The following TLE2 variants were observed in gnomAD, a reference collection of about 807,000 sequenced individuals.
TLE2 encodes the protein transducin-like enhancer protein 2.
Under a neutral mutation model 97.2 loss-of-function variants are expected in TLE2, and 74 were observed. The ratio of observed to expected loss-of-function variants is 0.76; its 90% confidence interval spans 0.63 to 0.92. The LOEUF (loss-of-function observed/expected upper bound fraction) is 0.92, where lower values mean the gene tolerates loss of function less well. TLE2 is among the 40% of genes least tolerant of loss of function. The pLI is 0.00. For synonymous variants in TLE2, 499 were observed against 432.1 expected (o/e 1.15, Z -1.92); for missense variants, 1,038 against 1,008.7 (o/e 1.03, Z -0.39).
intron 3 of TLE2, 121 bp from the exon 4 acceptor site, chr19:3,027,994 C>G: frequency 2.1e-6 from 2 of 966,952 alleles, no homozygotes; most frequent in Non-Finnish European, 3.1e-6. Context: ...GGAAGCAGAG[C>G]CCCCCCCAGC....
intron 1 of TLE2, among the ~76,000 whole-genome samples, chr19:3,043,714 G>C (rs1250417117): frequency 1.3e-5 from 2 of 152,032 alleles, no homozygotes; most frequent in African/African-American, 4.8e-5. Flanking sequence ...GGAGGCTGAG[G>C]CAGGAGAATG....
At chr19:3,028,021 G>A (rs2089974604) in intron 3 of TLE2, 148 bp from the exon 4 acceptor site, 1 of 839,216 alleles carries the variant, frequency 1.2e-6, no homozygotes. Context: ...GGGTCCCAGA[G>A]GAGGAAGCGG....
At chr19:3,043,364 CTTTTTT>C (rs71337196) in intron 1 of TLE2, among the ~76,000 whole-genome samples, 1 of 108,896 alleles carries the variant, frequency 9.2e-6, no homozygotes, top group Non-Finnish European at 1.8e-5. Context: ...CCTTCTGCAG[CTTTTTT>C]TTTTTTTTTT....
In TLE2 at chr19:3,034,609, C is replaced by T. The variant is rs535515147; in HGVS notation, c.64-5806G>A. 2.6e-5 allele frequency among the ~76,000 whole-genome samples: 4 copies of T among 151,608 alleles called. No homozygotes were observed. In the South Asian group the frequency reaches 6.3e-4, roughly 24 times the overall value. On this transcript the variant is annotated intron_variant, in intron 1 of 18. Coordinates refer to the TLE2 transcript ENST00000426948. ...AAAGTCCATTTTTTTCAAGGCCCAA[C>T]CCAAAAACTGTCTCCTGCAAAAGCC...
At chr19:3,015,804 G>A (rs1044364092) in intron 8 of TLE2, 44 bp from the exon 9 acceptor site, 33 of 1,431,924 alleles carry the variant, frequency 2.3e-5, no homozygotes, top group Non-Finnish European at 2.9e-5. Context: ...TCAGGGCCCT[G>A]GGCTCCTAGA....
intron 4 of TLE2, chr19:3,025,448 G>A: frequency 9.5e-7 from 1 of 1,052,150 alleles, no homozygotes; most frequent in Non-Finnish European, 1.1e-6. Flanking sequence ...TGAAACAAAG[G>A]AAAGGGGCCT....
In TLE2 at chr19:3,009,673, G is replaced by C; in HGVS notation, c.1042C>G (p.Pro348Ala). 2 of 1,612,672 alleles carry C rather than the reference G, an allele frequency of 1.2e-6. No individual in the cohort carries two copies. Among genetic ancestry groups the C allele is most frequent in the Non-Finnish European group, 1.7e-6 (2 of 1,179,420 alleles). The change falls in exon 13 of 20, where the codon CCC becomes GCC. Residue 348 changes from proline to alanine, a missense_variant. Coordinates refer to ENST00000262953, the MANE Select transcript of TLE2 (RefSeq NM_003260.5). ...ALRSPLTLSSPFTTSFSLGSH... is the reference protein window; with the variant it reads ...ALRSPLTLSSAFTTSFSLGSH... ...CCCAGGCTGAAGGACGTGGTGAAGG[G>C]ACTGGACAGAGTCAGGGGGCTCCTC...
intron 1 of TLE2, among the ~76,000 whole-genome samples, chr19:3,041,014 T>TATATATATATATATA (rs55998855): frequency 2.5e-4 from 5 of 20,150 alleles, no homozygotes; most frequent in Non-Finnish European, 3.4e-4. Context: ...TATATATATA[T>TATATATATATATATA]TTTTTTTTTT....
rs1218679898 is a variant in TLE2 at position 3,008,337 on chromosome 19, G to A, written c.1250+532C>T. Among the ~76,000 whole-genome samples, 4 of 152,208 alleles carry A rather than the reference G, an allele frequency of 2.6e-5. No individual in the cohort carries two copies. In the East Asian group the frequency reaches 7.7e-4, roughly 29 times the overall value. ...GCCAGGAACGTCTCCTCCCCCAGCT[G>A]TGACAACCACACGTGTCCCCCGACA... On this transcript the variant is annotated intron_variant, in intron 14 of 19. Coordinates refer to ENST00000262953, the MANE Select transcript of TLE2 (RefSeq NM_003260.5).
rs112198595 is a variant in TLE2 at position 3,017,938 on chromosome 19, C to T, written c.551-79G>A. 6.4e-5 allele frequency: 91 copies of T among 1,416,178 alleles called. 2 individuals are homozygous for T. The Middle Eastern group carries it at 1.2e-3, about 19-fold the overall frequency. 87.7% of individuals were successfully genotyped at this position (1,416,178 alleles called of 1,614,324 possible). A position where few individuals can be genotyped will look rare whatever the true frequency, so the allele number is the denominator to read the frequency against. On this transcript the variant is annotated intron_variant, in intron 7 of 19. Transcript: ENST00000262953. ...GTATCCACGGCGCCAGAGGGTACAG[C>T]CCTCCAGTTTATAAAGCCCCCCGCC...
rs1439378166 is a variant in TLE2 at position 3,006,612 on chromosome 19, C to G, written c.1308G>C (p.Ser436=). Residue 436 remains serine, a synonymous_variant, in exon 15 of 20, where the codon TCG becomes TCC. Transcript: ENST00000262953. ...GGATGCCCGCGCCTACCAGTGCATC[C>G]GAGGGGAAGGGAACCGGCTGCATCT... ...DGQMQPVPFP[S]DALVGAGIPR... is the part of the protein sequence containing the mutation. 1.3e-5 allele frequency: 21 copies of G among 1,610,636 alleles called. No homozygotes were observed. Among genetic ancestry groups the G allele is most frequent in the South Asian group, 4.4e-5 (4 of 90,672 alleles).
intron 19 of TLE2, among the ~76,000 whole-genome samples, chr19:2,999,363 C>G (rs1045280370): frequency 3.3e-5 from 5 of 152,094 alleles, no homozygotes; most frequent in African/African-American, 1.2e-4. Context: ...ATTAAAAAGA[C>G]AGCCAATAAC....
chr19:3,034,605 C>T (rs981316538), intron 1 of TLE2, among the ~76,000 whole-genome samples: 2 of 151,414 alleles, frequency 1.3e-5, no homozygotes, highest in African/African-American at 4.9e-5. Flanking sequence ...TTTTCAAGGC[C>T]CAACCCAAAA....
intron 11 of TLE2, among the ~76,000 whole-genome samples, chr19:3,012,222 C>T (rs549691448): frequency 6.6e-6 from 1 of 152,132 alleles, no homozygotes; most frequent in Non-Finnish European, 1.5e-5. Context: ...CACCACACTC[C>T]TCCCTGGGTG....
chr19:3,047,181 C>A (rs1355309725), upstream of TLE2, among the ~76,000 whole-genome samples: 2 of 110,652 alleles, frequency 1.8e-5, no homozygotes, highest in African/African-American at 7.3e-5. Flanking sequence ...TACCCTCCCC[C>A]GTCCTCCGCC....
At chr19:3,008,455 C>T (rs1278917174) in intron 14 of TLE2, among the ~76,000 whole-genome samples, 2 of 143,430 alleles carry the variant, frequency 1.4e-5, no homozygotes, top group African/African-American at 2.6e-5. Context: ...TTTCTTTTTT[C>T]TTTTTTTTTT....
At chr19:3,004,072 C>G (rs1176463685) in intron 17 of TLE2, among the ~76,000 whole-genome samples, 2 of 152,204 alleles carry the variant, frequency 1.3e-5, no homozygotes, top group African/African-American at 4.8e-5. Flanking sequence ...GAATCAGGCT[C>G]TGTTCCACCC....
intron 5 of TLE2, among the ~76,000 whole-genome samples, chr19:3,020,808 G>C (rs1334957386): frequency 1.3e-5 from 2 of 152,204 alleles, no homozygotes; most frequent in South Asian, 2.1e-4. Flanking sequence ...TATCTGAGCC[G>C]GGCGCGGCGG....
chr19:3,042,716 C>G (rs759941696), intron 1 of TLE2, among the ~76,000 whole-genome samples: 36 of 151,800 alleles, frequency 2.4e-4, no homozygotes, highest in Non-Finnish European at 4.4e-4. Flanking sequence ...TCCCTTCTCC[C>G]CAAGTCCCCA....
Sources: allele counts gnomAD v4.1 joint callset (sites outside exome capture counted in the v4.1 genomes callset), GRCh38; gene constraint gnomAD v4.1.1; transcripts MANE v1.5; gene names NCBI Gene and HGNC (gene_info 2026-07-23, HGNC 2026-07-21).